Variants in PPFIA2 observed in about 807,000 individuals in gnomAD.
PPFIA2 encodes the protein PPFI scaffold protein A2, also known as liprin-alpha-2.
In PPFIA2, 46 loss-of-function variants were observed where a neutral mutation model predicts 175.5. The ratio of observed to expected loss-of-function variants is 0.26; its 90% CI spans 0.21 to 0.34. PPFIA2 has a LOEUF of 0.34. Ranked by LOEUF, PPFIA2 falls within the 10% of genes least tolerant of loss-of-function variation. PPFIA2 has a pLI of 1.00. For synonymous variants in PPFIA2, 568 were observed against 511.4 expected, an observed-to-expected ratio of 1.11 and a Z score of -1.49; for missense variants, 1,179 against 1,506.1, an observed-to-expected ratio of 0.78 and a Z score of 3.60.
intron 4 of PPFIA2, among the ~76,000 whole-genome samples, chr12:81,580,405 G>A (rs944624653): frequency 4.6e-5 from 7 of 151,760 alleles, no homozygotes; most frequent in African/African-American, 1.7e-4. Context: ...TAACTTTAGG[G>A]AAAACGGTTT....
intron 3 of PPFIA2, among the ~76,000 whole-genome samples, chr12:81,682,502 T>G (rs1353036810): frequency 1.3e-5 from 2 of 152,012 alleles, no homozygotes; most frequent in East Asian, 3.9e-4. Flanking sequence ...TATTTCAATA[T>G]AGAGTACATA....
chr12:81,628,155 T>C (rs1459189617), intron 4 of PPFIA2, among the ~76,000 whole-genome samples: 2 of 152,216 alleles, frequency 1.3e-5, no homozygotes, highest in Non-Finnish European at 2.9e-5. Context: ...TATTTTAAGA[T>C]ATCATAAGAT....
chr12:81,721,540 A>G (rs1568001832), intron 3 of PPFIA2, among the ~76,000 whole-genome samples: 1 of 151,294 alleles, frequency 6.6e-6, no homozygotes, highest in Non-Finnish European at 1.5e-5. Flanking sequence ...GTGATTAGCT[A>G]TCTGCTATTA....
chr12:81,598,596 C>T (rs1423880203), intron 4 of PPFIA2, among the ~76,000 whole-genome samples: 1 of 151,846 alleles, frequency 6.6e-6, no homozygotes, highest in Admixed American at 6.6e-5. Context: ...CTTTTAGTCA[C>T]TCCCAGACTT....
chr12:81,483,966 T>C (rs2146799911), intron 4 of PPFIA2, among the ~76,000 whole-genome samples: 1 of 152,168 alleles, frequency 6.6e-6, no homozygotes, highest in African/African-American at 2.4e-5. Context: ...TTCTTGCCCT[T>C]GTGCAGAAGT....
chr12:81,342,484 T>G (rs2058287868), intron 19 of PPFIA2, among the ~76,000 whole-genome samples: 1 of 152,144 alleles, frequency 6.6e-6, no homozygotes, highest in Non-Finnish European at 1.5e-5. Flanking sequence ...AGGAACTTCA[T>G]GAAATTGTCA....
intron 21 of PPFIA2, among the ~76,000 whole-genome samples, chr12:81,338,095 CT>C (rs889914752): frequency 6.6e-6 from 1 of 152,088 alleles, no homozygotes; most frequent in Admixed American, 6.6e-5. Flanking sequence ...TTTTTGGATA[CT>C]GTAGTCATAA....
At position 81,593,479 on chromosome 12, in the gene PPFIA2, T is replaced by C. The variant is rs186063512; in HGVS notation, c.303+83312A>G. 1.2e-3 allele frequency among the ~76,000 whole-genome samples: 185 copies of C among 152,336 alleles called. No individual in the cohort carries two copies. In the Middle Eastern group the frequency reaches 0.02, roughly 17 times the overall value. On this transcript the variant is annotated intron_variant, in intron 4 of 32. Transcript: ENST00000549396. Reference sequence around the variant, plus strand: ...AGTTGCTTACTGTGTTAAATTTTAATAGGTAAATCATTTATTTTTGAAATA... The same window carrying C: ...AGTTGCTTACTGTGTTAAATTTTAACAGGTAAATCATTTATTTTTGAAATA...
At chr12:81,729,059 T>G (rs2080476602) in intron 3 of PPFIA2, among the ~76,000 whole-genome samples, 1 of 151,510 alleles carries the variant, frequency 6.6e-6, no homozygotes, top group South Asian at 2.1e-4. Context: ...AATATCAAAA[T>G]TGTTTTGGAA....
chr12:81,703,410 C>T (rs10862346), intron 3 of PPFIA2, among the ~76,000 whole-genome samples: 30,954 of 151,910 alleles, frequency 0.2, 3,961 homozygotes, highest in East Asian at 0.31. Flanking sequence ...TTCCTCAATC[C>T]CCAAGTCCTA....
chr12:81,597,996 G>C (rs1434247872), intron 4 of PPFIA2: 1 of 1,535,020 alleles, frequency 6.5e-7, no homozygotes, highest in African/African-American at 1.4e-5. Flanking sequence ...TGCACTTTAG[G>C]GGAGCCAGAA....
At chr12:81,386,630 AATG>A (rs2039033757) in intron 8 of PPFIA2, among the ~76,000 whole-genome samples, 1 of 151,866 alleles carries the variant, frequency 6.6e-6, no homozygotes, top group Non-Finnish European at 1.5e-5. Flanking sequence ...CAATAGTAAT[AATG>A]ATAATAATAA....
chr12:81,419,749 C>T (rs2045927747), intron 7 of PPFIA2, among the ~76,000 whole-genome samples: 1 of 152,054 alleles, frequency 6.6e-6, no homozygotes. Flanking sequence ...TACATGACTT[C>T]TGGATATAAA....
intron 8 of PPFIA2, among the ~76,000 whole-genome samples, chr12:81,403,385 A>T (rs1304748486): frequency 6.6e-6 from 1 of 152,224 alleles, no homozygotes; most frequent in African/African-American, 2.4e-5. Context: ...CCAGTTCCCG[A>T]AAAATAATCT....
rs1206876822 is a variant in PPFIA2, at chr12:81,277,380, T to G, written c.3247A>C (p.Arg1083=). 6.4e-7 allele frequency: 1 copy of G among 1,558,666 alleles called. No homozygotes were observed. Among genetic ancestry groups the G allele is most frequent in the African/African-American group, 1.4e-5 (1 of 73,582 alleles). ...AGTTCTTTTCTGTCATAATTCAACC[T>G]CTTTAAGCACATAATTCCATATTGT... ...SLQYGIMCLK[R]LNYDRKELER... The change falls in exon 28 of 33, where the codon AGG becomes CGG. Residue 1083 remains arginine (R), a synonymous_variant. Coordinates refer to ENST00000549396, the MANE Select transcript of PPFIA2 (RefSeq NM_003625.5).
At chr12:81,279,434 G>C (rs558973836) in intron 27 of PPFIA2, 2 of 152,190 alleles carry the variant, frequency 1.3e-5, no homozygotes, top group African/African-American at 4.8e-5. Flanking sequence ...TGGGCAGCTT[G>C]AGATTAAACC....
At chr12:81,744,039 T>A (rs2082700068) in intron 3 of PPFIA2, among the ~76,000 whole-genome samples, 2 of 152,198 alleles carry the variant, frequency 1.3e-5, no homozygotes, top group African/African-American at 4.8e-5. Flanking sequence ...AGACTATAAT[T>A]CTTTTGTATG....
intron 22 of PPFIA2, among the ~76,000 whole-genome samples, chr12:81,306,642 G>C (rs572375106): frequency 1.4e-5 from 2 of 147,266 alleles, no homozygotes; most frequent in Non-Finnish European, 3.0e-5. Flanking sequence ...CCAGGTTCAA[G>C]TGATTGTCCT....
intron 4 of PPFIA2, among the ~76,000 whole-genome samples, chr12:81,649,035 G>A (rs527849879): frequency 1.3e-5 from 2 of 151,464 alleles, no homozygotes; most frequent in African/African-American, 4.8e-5. Flanking sequence ...GAAAAAGCAG[G>A]ACAAAATCTT....
Sources: allele counts gnomAD v4.1 joint callset (sites outside exome capture counted in the v4.1 genomes callset), GRCh38; gene constraint gnomAD v4.1.1; transcripts MANE v1.5; gene names NCBI Gene and HGNC (gene_info 2026-07-23, HGNC 2026-07-21).